KIF19: variants seen among roughly 807,000 people sequenced by gnomAD.
The protein encoded by KIF19 is kinesin-like protein KIF19.
Under a neutral mutation model 106.6 loss-of-function variants are expected in KIF19, and 98 were observed. That is an observed-to-expected ratio of 0.92 (90% CI 0.78 to 1.09). KIF19 has a LOEUF of 1.09. Among genes scored for constraint, KIF19 ranks in the 50% least tolerant of loss-of-function variants. The pLI, the probability that KIF19 is intolerant of heterozygous loss-of-function variation, is 0.00. For missense variants in KIF19, 1,373 were observed against 1,414.3 expected (o/e 0.97, Z 0.47); for synonymous variants, 516 against 584.2 (o/e 0.88, Z 1.68).
intron 17 of KIF19, 148 bp downstream of exon 17, chr17:74,353,729 C>T: frequency 4.3e-6 from 3 of 693,066 alleles, no homozygotes; most frequent in Middle Eastern, 2.4e-4. Context: ...ACCATTGCCC[C>T]TGAGGATTAG....
chr17:74,333,134 C>T (rs1261683704), intron 2 of KIF19, among the ~76,000 whole-genome samples: 1 of 152,218 alleles, frequency 6.6e-6, no homozygotes, highest in Non-Finnish European at 1.5e-5. Context: ...TGGGAAACTC[C>T]CTGCACACCG....
At position 74,353,254 on chromosome 17, in the gene KIF19, G is replaced by C. The variant is rs773448174; in HGVS notation, c.2173G>C (p.Val725Leu). The C allele has an allele frequency of 1.3e-6, 2 of 1,585,140 alleles. No homozygotes were observed. Among genetic ancestry groups the C allele is most frequent in the Non-Finnish European group, 1.7e-6 (2 of 1,166,226 alleles). Residue 725 changes from valine (V) to leucine (L), a missense_variant, in exon 16 of 20, where the codon GTG becomes CTG. Physicochemically the swap from Val to Leu is conservative, Grantham distance 32. This residue lies in a region of KIF19 where 1,020 missense variants were observed against 1,008.2 expected (regional missense o/e 1.01). Transcript: ENST00000389916. Reference sequence around the variant, plus strand: ...GGCCTGGCAGGCAAAAAGCTCCTCTGTGCCCACCCCACCTCCCATCCAGCT... The same window carrying C: ...GGCCTGGCAGGCAAAAAGCTCCTCTCTGCCCACCCCACCTCCCATCCAGCT... ...TGAWQAKSSSVPTPPPIQLGS... is the reference protein window; with the variant it reads ...TGAWQAKSSSLPTPPPIQLGS...
rs2054804984 is a variant in KIF19, at chr17:74,354,191, T to C, written c.2338T>C (p.Cys780Arg). The change falls in exon 18 of 20, where the codon TGC (cysteine) becomes CGC (arginine). Residue 780 changes from cysteine (C) to arginine (R), a missense_variant. Cys to Arg is a radical substitution (Grantham distance 180). Transcript: ENST00000389916. ...ERKEILTGTK[C>R]IWVKAARRRS... Reference sequence around the variant, plus strand: ...GAAGGAGATCCTGACTGGCACCAAGTGCATCTGGGTGAAGGCCGCCCGGCG... The same window carrying C: ...GAAGGAGATCCTGACTGGCACCAAGCGCATCTGGGTGAAGGCCGCCCGGCG... 1 of 1,609,218 alleles carries C rather than the reference T, an allele frequency of 6.2e-7. No individual in the cohort carries two copies. The highest frequency in any genetic ancestry group is 1.3e-5 in the African/African-American group (1 of 75,016).
intron 2 of KIF19, among the ~76,000 whole-genome samples, chr17:74,330,773 A>G (rs560771705): frequency 1.3e-5 from 2 of 151,806 alleles, no homozygotes; most frequent in African/African-American, 4.8e-5. Flanking sequence ...CACTGCCTCC[A>G]CCTCCAAGAA....
intron 2 of KIF19, among the ~76,000 whole-genome samples, chr17:74,336,097 C>T (rs1231986660): frequency 2.0e-5 from 3 of 152,194 alleles, no homozygotes; most frequent in African/African-American, 7.2e-5. Flanking sequence ...GAAACAGAAT[C>T]TCACTCCCTG....
intron 8 of KIF19, 110 bp from the exon 9 acceptor site, chr17:74,347,667 G>A (rs2054574781): frequency 1.5e-6 from 2 of 1,294,024 alleles, no homozygotes; most frequent in African/African-American, 1.5e-5. Flanking sequence ...GGTCCCTTAA[G>A]TGTAAAGAGA....
chr17:74,355,072 G>T lies in KIF19; in HGVS notation c.2867-110G>T, dbSNP rs112056477. ...CATGGTTCTAGCAGAATACTCATGG[G>T]ACTGGCATCCTGGGGTGGTGCCCCT... is the stretch of plus-strand genomic sequence containing the variant. On this transcript the variant is annotated intron_variant, in intron 19 of 19. Transcript: ENST00000389916. 74 of 1,540,606 alleles carry T rather than the reference G, an allele frequency of 4.8e-5. 1 individual carries two copies. The highest frequency in any genetic ancestry group is 4.3e-4 in the African/African-American group (32 of 73,598).
Position 74,355,244 on chromosome 17 carries a change from AC to A in KIF19, c.2932del (p.Arg978ValfsTer52). 2 of 1,612,594 alleles carry A rather than the reference AC, an allele frequency of 1.2e-6. No individual in the cohort carries two copies. The highest frequency in any genetic ancestry group is 1.1e-5 in the South Asian group (1 of 91,016). ...CCCAGGTGGTGGTTCTCGACGGGCT[AC>A]CCGTGGGCCCCGCCTGCCCCACGGC... ...PNPGGGSRRATRGPRLPHGTS... is the reference protein window; with the variant it reads ...PNPGGGSRRAXRGPRLPHGTS... On this transcript the variant is annotated frameshift_variant, in exon 20 of 20. Transcript: ENST00000389916. LOFTEE classifies it high-confidence loss of function.
chr17:74,353,319 G>A lies in KIF19; in HGVS notation c.2220+18G>A, dbSNP rs1217528613. ...CGCAGGAGGTGAGCTCTCAGTACCC[G>A]ATGGCCCCACGAGCTCCACTGCAGC... On this transcript the variant is annotated intron_variant, in intron 16 of 19. Coordinates refer to ENST00000389916, the MANE Select transcript of KIF19 (RefSeq NM_153209.4). 16 of 1,551,064 alleles carry A rather than the reference G, an allele frequency of 1.0e-5. No individual in the cohort carries two copies. The highest frequency in any genetic ancestry group is 7.1e-5 in the South Asian group (6 of 84,398).
chr17:74,355,121 A>G, intron 19 of KIF19, 61 bp from the exon 20 acceptor site: 1 of 1,552,388 alleles, frequency 6.4e-7, no homozygotes, highest in Non-Finnish European at 8.7e-7. Flanking sequence ...CCACTGGGTG[A>G]TGGGAGAGGA....
chr17:74,348,766 T>TG (rs2144277039), intron 9 of KIF19: 1 of 203,118 alleles, frequency 4.9e-6, no homozygotes, highest in East Asian at 1.6e-4. Context: ...AGACTGTGAG[T>TG]GGGACCCTGA....
chr17:74,337,192 T>A (rs1052502951), intron 2 of KIF19, among the ~76,000 whole-genome samples: 1 of 152,208 alleles, frequency 6.6e-6, no homozygotes, highest in Non-Finnish European at 1.5e-5. Flanking sequence ...GCACCATGCC[T>A]GGCACAATCA....
Position 74,355,629 on chromosome 17 carries a change from C to T in KIF19, c.*317C>T, listed in dbSNP as rs12950175. Reference sequence around the variant, plus strand: ...CCTCGGCCTTGGTAACGGAGGAAAGCAGCTGACAGTGAGACGGGGCTCCTG... The same window carrying T: ...CCTCGGCCTTGGTAACGGAGGAAAGTAGCTGACAGTGAGACGGGGCTCCTG... On this transcript the variant is annotated 3_prime_UTR_variant, in exon 20 of 20. Coordinates refer to ENST00000389916, the MANE Select transcript of KIF19 (RefSeq NM_153209.4). The T allele has an allele frequency of 0.41, 98,683 of 243,004 alleles. 23,083 individuals are homozygous for T. The highest frequency in any genetic ancestry group is 0.5 in the Non-Finnish European group (63,066 of 127,366). The allele number at this position is 243,004 out of a possible 1,614,324, so 15.1% of individuals were successfully genotyped here. A position where few individuals can be genotyped will look rare whatever the true frequency, so the allele number is the denominator to read the frequency against.
intron 9 of KIF19, chr17:74,348,918 C>A: frequency 2.0e-6 from 1 of 508,196 alleles, no homozygotes; most frequent in South Asian, 2.2e-5. Flanking sequence ...GAGCGGTGAG[C>A]CCAGAGAAAA....
At position 74,350,921 on chromosome 17, in the gene KIF19, G is replaced by A. The variant is rs1393335388; in HGVS notation, c.1587+16G>A. The A allele has an allele frequency of 9.3e-6, 15 of 1,612,812 alleles. No homozygotes were observed. The highest frequency in any genetic ancestry group is 1.3e-5 in the Non-Finnish European group (15 of 1,179,784). ...CAAGCAGAAGGTGTCCAGGGTTTGG[G>A]GGGACAAGGAGAGTGGGTTTAGGGG... On this transcript the variant is annotated intron_variant, in intron 12 of 19. Coordinates refer to ENST00000389916, the MANE Select transcript of KIF19 (RefSeq NM_153209.4).
At chr17:74,345,014 G>A in intron 7 of KIF19, 59 bp downstream of exon 7, 2 of 1,477,260 alleles carry the variant, frequency 1.4e-6, no homozygotes, top group Non-Finnish European at 1.8e-6. Context: ...AACAGCGGAG[G>A]GCAGGAATGG....
At chr17:74,349,946 C>G (rs911032951) in intron 10 of KIF19, among the ~76,000 whole-genome samples, 1 of 151,900 alleles carries the variant, frequency 6.6e-6, no homozygotes, top group East Asian at 1.9e-4. Flanking sequence ...TTACAGGTGC[C>G]CGCCACCACA....
chr17:74,330,374 G>A (rs1423317948), intron 2 of KIF19, among the ~76,000 whole-genome samples: 1 of 152,170 alleles, frequency 6.6e-6, no homozygotes, highest in Non-Finnish European at 1.5e-5. Flanking sequence ...CCAGTCCTTG[G>A]CACATAGGAA....
At chr17:74,353,678 A>G in intron 17 of KIF19, 97 bp downstream of exon 17, 1 of 935,798 alleles carries the variant, frequency 1.1e-6, no homozygotes, top group Non-Finnish European at 1.7e-6. Flanking sequence ...CTGCACTGCC[A>G]AGTGCAACCA....
Sources: gnomAD v4.1 joint callset for allele counts (sites outside exome capture counted in the v4.1 genomes callset) on GRCh38, gnomAD v4.1.1 for gene constraint, gnomAD v4.1.1 regional missense constraint, MANE v1.5 for transcripts, NCBI Gene and HGNC (gene_info 2026-07-23, HGNC 2026-07-21) for gene names.